Variants in RTN4IP1 observed in about 807,000 individuals in gnomAD.
RTN4IP1 encodes NAD(P)H oxidoreductase RTN4IP1, mitochondrial.
RTN4IP1 carries 32 observed loss-of-function variants against 46.6 expected under a neutral mutation model. The observed-to-expected ratio is 0.69, with a 90% CI of 0.52 to 0.92. The LOEUF is 0.92. RTN4IP1 is among the 40% of genes least tolerant of loss of function. RTN4IP1 has a pLI of 0.00. For synonymous variants in RTN4IP1, 167 were observed against 161.8 expected (o/e 1.03, Z -0.24); for missense variants, 424 against 485.8 (o/e 0.87, Z 1.20).
In RTN4IP1 at chr6:106,587,667, C is replaced by T; in HGVS notation, c.990+12G>A. Reference sequence around the variant, plus strand: ...GCTGCCTGCAGTCACCAACCAAGACCCTTCTTCCTACCTTTAATGCCTTTG... The same window carrying T: ...GCTGCCTGCAGTCACCAACCAAGACTCTTCTTCCTACCTTTAATGCCTTTG... On this transcript the variant is annotated intron_variant, in intron 7 of 8. Coordinates refer to ENST00000369063, the MANE Select transcript of RTN4IP1 (RefSeq NM_032730.5). The T allele has an allele frequency of 6.2e-7, 1 of 1,602,256 alleles. No individual in the cohort carries two copies. Among genetic ancestry groups the T allele is most frequent in the Non-Finnish European group, 8.5e-7 (1 of 1,172,804 alleles).
intron 5 of RTN4IP1, 96 bp from the exon 6 acceptor site, chr6:106,592,396 T>C (rs1026188494): frequency 5.6e-6 from 7 of 1,252,702 alleles, no homozygotes; most frequent in South Asian, 4.4e-5. Flanking sequence ...TGTATACATA[T>C]ATCAGACTAA....
In RTN4IP1 at chr6:106,629,315, G is replaced by A. The variant is rs563286312; in HGVS notation, c.-294C>T. 5.3e-5 allele frequency: 28 copies of A among 531,166 alleles called. No homozygotes were observed. The highest frequency in any genetic ancestry group is 8.0e-5 in the Non-Finnish European group (24 of 300,652). 32.9% of individuals were successfully genotyped at this position (531,166 alleles called of 1,614,324 possible). On this transcript the variant is annotated 5_prime_UTR_variant, in exon 1 of 9. Coordinates refer to ENST00000369063, the MANE Select transcript of RTN4IP1 (RefSeq NM_032730.5). ...ACTTTAAAAAAAAAAGGGGGGGCGG[G>A]GCATTAAAAAGCAGGTGCGCAAACC...
Position 106,571,858 on chromosome 6 carries a change from G to A in RTN4IP1, c.*138C>T, listed in dbSNP as rs912834236. 6.9e-6 allele frequency: 4 copies of A among 583,500 alleles called. No homozygotes were observed. The allele number at this position is 583,500 out of a possible 1,614,324, so 36.1% of individuals were successfully genotyped here. On this transcript the variant is annotated 3_prime_UTR_variant, in exon 9 of 9. Coordinates refer to ENST00000369063, the MANE Select transcript of RTN4IP1 (RefSeq NM_032730.5). ...TATCAATTACTGGCCAAAATGGTGT[G>A]TTTATTTTTTAAAGCTTGTATCATG... is the stretch of plus-strand genomic sequence containing the variant.
At chr6:106,618,111 A>G (rs545282067) in intron 4 of RTN4IP1, among the ~76,000 whole-genome samples, 1 of 152,342 alleles carries the variant, frequency 6.6e-6, no homozygotes, top group East Asian at 1.9e-4. Context: ...AAGGAAGGGT[A>G]GTACCTCACT....
At chr6:106,621,346 GA>G in intron 3 of RTN4IP1, 78 bp downstream of exon 3, 1 of 1,117,116 alleles carries the variant, frequency 9.0e-7, no homozygotes. Context: ...AACTAGATCT[GA>G]AAAACACCAG....
intron 4 of RTN4IP1, among the ~76,000 whole-genome samples, chr6:106,614,477 T>G (rs925012819): frequency 1.3e-5 from 2 of 152,090 alleles, no homozygotes; most frequent in Non-Finnish European, 2.9e-5. Context: ...GTTACCAAAC[T>G]ATAAGTAGAA....
At chr6:106,576,598 C>T (rs1775233970) in intron 8 of RTN4IP1, among the ~76,000 whole-genome samples, 1 of 152,178 alleles carries the variant, frequency 6.6e-6, no homozygotes, top group Non-Finnish European at 1.5e-5. Flanking sequence ...TAAACGAGGG[C>T]CCAGCTATTC....
Position 106,621,633 on chromosome 6 carries a change from T to C in RTN4IP1, c.427-140A>G, listed in dbSNP as rs1041667030. 6.4e-6 allele frequency: 4 copies of C among 628,018 alleles called. No individual in the cohort carries two copies. In the African/African-American group the frequency reaches 7.3e-5, roughly 11 times the overall value. 38.9% of individuals were successfully genotyped at this position (628,018 alleles called of 1,614,324 possible). On this transcript the variant is annotated intron_variant, in intron 2 of 8. Transcript: ENST00000369063. ...GCACTACACCAAGCAGGAGTGTTAT[T>C]TTCATGATATAAATTTATTACTTAG... is the stretch of plus-strand genomic sequence containing the variant.
chr6:106,590,846 C>T (rs185474200), intron 6 of RTN4IP1, among the ~76,000 whole-genome samples: 3 of 151,858 alleles, frequency 2.0e-5, no homozygotes, highest in Admixed American at 6.6e-5. Context: ...ACAGACAAGA[C>T]GGTAGCTGAC....
At chr6:106,580,724 A>G (rs1286941163) in intron 8 of RTN4IP1, among the ~76,000 whole-genome samples, 2 of 149,764 alleles carry the variant, frequency 1.3e-5, no homozygotes, top group African/African-American at 4.9e-5. Context: ...GTCTCAAAGA[A>G]AAAAAAAAAA....
chr6:106,622,379 G>T (rs1056394631), intron 2 of RTN4IP1, among the ~76,000 whole-genome samples: 3 of 152,140 alleles, frequency 2.0e-5, no homozygotes, highest in Non-Finnish European at 4.4e-5. Flanking sequence ...TTGGAAGGCC[G>T]GGGGTGTTGC....
chr6:106,629,629 CCT>C, upstream of RTN4IP1: 2 of 1,574,570 alleles, frequency 1.3e-6, no homozygotes, highest in Non-Finnish European at 1.7e-6. Flanking sequence ...CGACCGGTGA[CCT>C]CTTTTTCCCC....
In RTN4IP1 at chr6:106,617,331, G is replaced by C. The variant is rs143972210; in HGVS notation, c.620+1871C>G. Among the ~76,000 whole-genome samples the C allele has an allele frequency of 1.4e-3, 219 of 152,322 alleles. 1 individual carries two copies. Among genetic ancestry groups the C allele is most frequent in the African/African-American group, 5.1e-3 (210 of 41,576 alleles). ...GCAGAAGTCCATGATGTGAATTGTT[G>C]AGACTCTTTGCAATGGGTTTCACTC... On this transcript the variant is annotated intron_variant, in intron 4 of 8. Transcript: ENST00000369063.
intron 8 of RTN4IP1, 46 bp downstream of exon 8, chr6:106,583,282 T>C (rs1298416037): frequency 1.1e-5 from 16 of 1,489,204 alleles, no homozygotes; most frequent in Admixed American, 1.7e-5. Context: ...CAGGAGGTGC[T>C]GTAGAAATAC....
chr6:106,628,711 T>A, intron 1 of RTN4IP1, 37 bp downstream of exon 1: 2 of 1,565,956 alleles, frequency 1.3e-6, no homozygotes, highest in Non-Finnish European at 1.7e-6. Flanking sequence ...GAAAGTGATT[T>A]TTTTAAAAAA....
At chr6:106,595,500 C>CTT (rs35264522) in intron 5 of RTN4IP1, among the ~76,000 whole-genome samples, 1 of 125,884 alleles carries the variant, frequency 7.9e-6, no homozygotes, top group Non-Finnish European at 1.7e-5. Context: ...TACTTTCTTT[C>CTT]TTTTTTTTTT....
At chr6:106,613,960 G>A (rs1377404411) in intron 4 of RTN4IP1, among the ~76,000 whole-genome samples, 1 of 152,116 alleles carries the variant, frequency 6.6e-6, no homozygotes, top group Non-Finnish European at 1.5e-5. Context: ...CCCTCTTCAA[G>A]AGGTCTCACC....
In RTN4IP1 at chr6:106,629,411, A is replaced by G; in HGVS notation, c.-390T>C. ...GACACCGCTCGCGATCCAACGCCAG[A>G]GAATCGAACGCTTGCCGACTGCCGC... On this transcript the variant is annotated 5_prime_UTR_variant, in exon 1 of 9. Transcript: ENST00000369063. 1.7e-6 allele frequency: 1 copy of G among 576,532 alleles called. No individual in the cohort carries two copies. The highest frequency in any genetic ancestry group is 2.9e-5 in the East Asian group (1 of 33,986). 35.7% of individuals were successfully genotyped at this position (576,532 alleles called of 1,614,324 possible).
At chr6:106,603,756 C>T (rs151230596) in intron 4 of RTN4IP1, among the ~76,000 whole-genome samples, 2 of 152,292 alleles carry the variant, frequency 1.3e-5, no homozygotes, top group African/African-American at 4.8e-5. Flanking sequence ...GCTTTCCATG[C>T]TCTTACATTT....
Sources: gnomAD v4.1 joint callset for allele counts (sites outside exome capture counted in the v4.1 genomes callset) on GRCh38, gnomAD v4.1.1 for gene constraint, MANE v1.5 for transcripts, NCBI Gene and HGNC (gene_info 2026-07-23, HGNC 2026-07-21) for gene names.